The following HEG1 variants were observed in gnomAD, a reference collection of about 807,000 sequenced individuals.
HEG1 encodes protein HEG homolog 1.
A neutral mutation model predicts 125.6 loss-of-function variants in HEG1; 56 were observed. That is an observed-to-expected ratio of 0.45 (90% CI 0.36 to 0.56). The LOEUF is 0.56. Ranked by LOEUF, HEG1 falls within the 20% of genes least tolerant of loss-of-function variation. The pLI, the probability that HEG1 is intolerant of heterozygous loss-of-function variation, is 0.00. For synonymous variants in HEG1, 644 were observed against 668.5 expected, an observed-to-expected ratio of 0.96 and a Z score of 0.57; for missense variants, 1,523 against 1,670.0, an observed-to-expected ratio of 0.91 and a Z score of 1.53.
chr3:124,974,690 A>T (rs9790297), intron 15 of HEG1, among the ~76,000 whole-genome samples: 53,585 of 152,074 alleles, frequency 0.35, 10,336 homozygotes, highest in African/African-American at 0.5. Context: ...AGGATCAGAA[A>T]TTTTAAATTA....
At chr3:125,046,240 C>T (rs1579439911) in intron 1 of HEG1, among the ~76,000 whole-genome samples, 6 of 152,206 alleles carry the variant, frequency 3.9e-5, no homozygotes, top group Admixed American at 3.9e-4. Context: ...CCTAACAAAC[C>T]ACAAGAATTC....
chr3:125,007,847 C>G (rs772571374), intron 8 of HEG1, among the ~76,000 whole-genome samples: 1 of 151,856 alleles, frequency 6.6e-6, no homozygotes, highest in Non-Finnish European at 1.5e-5. Flanking sequence ...AAACTCCTGG[C>G]AATATCTTAG....
At chr3:125,046,430 CACACATAT>C (rs759289429) in intron 1 of HEG1, among the ~76,000 whole-genome samples, 2 of 92,512 alleles carry the variant, frequency 2.2e-5, no homozygotes, top group Non-Finnish European at 3.9e-5. Context: ...CACACACACA[CACACATAT>C]ATATTTTTTT....
In HEG1 at chr3:124,977,897, C is replaced by G. The variant is rs970430300; in HGVS notation, c.3783G>C (p.Leu1261=). 3 of 1,580,228 alleles carry G rather than the reference C, an allele frequency of 1.9e-6. No homozygotes were observed. The African/African-American group carries it at 4.0e-5, about 21-fold the overall frequency. The change falls in exon 15 of 17, where the codon CTG becomes CTC. Residue 1261 remains leucine (L), a synonymous_variant. Coordinates refer to ENST00000311127, the MANE Select transcript of HEG1 (RefSeq NM_020733.2). ...CAATCAGTGCGATGCCTAGGATGAG[C>G]AGGAGCCCACCTCCCGCGGCTGCGA... is the stretch of plus-strand genomic sequence containing the variant. ...VVIAAAGGGL[L]LILGIALIVT...
At chr3:125,053,018 C>T (rs182772840) in intron 1 of HEG1, among the ~76,000 whole-genome samples, 12 of 152,318 alleles carry the variant, frequency 7.9e-5, no homozygotes, top group Non-Finnish European at 1.2e-4. Flanking sequence ...CCCCATGGCA[C>T]GAAAGGCCTG....
At chr3:124,978,360 G>A (rs1015434577) in intron 14 of HEG1, among the ~76,000 whole-genome samples, 7 of 152,064 alleles carry the variant, frequency 4.6e-5, no homozygotes, top group African/African-American at 1.7e-4. Context: ...TGTTAGCCAG[G>A]ATGGTCTCAA....
intron 13 of HEG1, 39 bp from the exon 14 acceptor site, chr3:124,990,863 C>A (rs757841383): frequency 1.9e-6 from 3 of 1,556,818 alleles, no homozygotes; most frequent in Non-Finnish European, 2.6e-6. Flanking sequence ...GAATTAGTTT[C>A]CAATCTCAAA....
intron 12 of HEG1, among the ~76,000 whole-genome samples, chr3:124,995,088 T>TAGGTGTTTGAGACC (rs1367350415): frequency 4.5e-4 from 69 of 152,184 alleles, no homozygotes; most frequent in African/African-American, 1.6e-3. Context: ...TGCTTGAGCC[T>TAGGTGTTTGAGACC]AGGTGTTTGA....
intron 1 of HEG1, among the ~76,000 whole-genome samples, chr3:125,037,024 T>C (rs1280431319): frequency 6.6e-6 from 1 of 152,224 alleles, no homozygotes; most frequent in Non-Finnish European, 1.5e-5. Flanking sequence ...GAATTGTTTA[T>C]AATAATGAAA....
intron 5 of HEG1, chr3:125,015,066 A>T (rs1417647367): frequency 4.3e-6 from 5 of 1,162,462 alleles, no homozygotes; most frequent in East Asian, 5.9e-5. Context: ...GAGCGACAGG[A>T]TCGTGCCCCA....
intron 1 of HEG1, among the ~76,000 whole-genome samples, chr3:125,053,472 G>C (rs1410933936): frequency 2.0e-5 from 3 of 152,190 alleles, no homozygotes; most frequent in Admixed American, 6.5e-5. Context: ...TTCAACAGGT[G>C]TTCATTTCAT....
At chr3:124,989,778 C>G (rs909022582) in intron 14 of HEG1, among the ~76,000 whole-genome samples, 1 of 152,186 alleles carries the variant, frequency 6.6e-6, no homozygotes, top group South Asian at 2.1e-4. Flanking sequence ...TCTCCTCTGT[C>G]CAGTCTGTTC....
chr3:125,051,730 G>T (rs1268930695), intron 1 of HEG1, among the ~76,000 whole-genome samples: 1 of 152,210 alleles, frequency 6.6e-6, no homozygotes. Flanking sequence ...CATACAAAAA[G>T]GACGCTGGAG....
At chr3:124,982,396 A>G (rs1936670990) in intron 14 of HEG1, among the ~76,000 whole-genome samples, 1 of 152,222 alleles carries the variant, frequency 6.6e-6, no homozygotes, top group Non-Finnish European at 1.5e-5. Flanking sequence ...CTAGCTTTAG[A>G]GGTGCTCTGA....
At chr3:124,998,811 AG>A (rs1334578243) in intron 11 of HEG1, among the ~76,000 whole-genome samples, 1 of 152,208 alleles carries the variant, frequency 6.6e-6, no homozygotes, top group Non-Finnish European at 1.5e-5. Context: ...GATAGTGGAT[AG>A]TACCTTATTT....
At chr3:125,050,840 A>G (rs114343996) in intron 1 of HEG1, among the ~76,000 whole-genome samples, 4,679 of 152,322 alleles carry the variant, frequency 0.031, 110 homozygotes, top group South Asian at 0.095. Flanking sequence ...CACTCCAACA[A>G]AAGAAGAGTG....
rs1182772677 is a variant in HEG1, at chr3:124,967,254, A to C, written c.*3398T>G. On this transcript the variant is annotated 3_prime_UTR_variant, in exon 17 of 17. Coordinates refer to ENST00000311127, the MANE Select transcript of HEG1 (RefSeq NM_020733.2). ...GAGCCATGGCCTTACCACGGGAACAAGGCAAGCAGCTCTCAGATGGATGTG... is the reference window on the plus strand; with the variant it reads ...GAGCCATGGCCTTACCACGGGAACACGGCAAGCAGCTCTCAGATGGATGTG... 1.3e-5 allele frequency: 2 copies of C among 152,214 alleles called. No homozygotes were observed. Among genetic ancestry groups the C allele is most frequent in the Non-Finnish European group, 2.9e-5 (2 of 68,042 alleles). 9.4% of individuals were successfully genotyped at this position (152,214 alleles called of 1,614,324 possible).
At chr3:124,996,295 G>A (rs191726520) in intron 12 of HEG1, among the ~76,000 whole-genome samples, 7 of 152,108 alleles carry the variant, frequency 4.6e-5, no homozygotes, top group Admixed American at 4.6e-4. Context: ...TGTTGGTCAG[G>A]CTGGTCTCCA....
At chr3:125,044,914 T>C (rs942289943) in intron 1 of HEG1, among the ~76,000 whole-genome samples, 1 of 151,958 alleles carries the variant, frequency 6.6e-6, no homozygotes, top group Non-Finnish European at 1.5e-5. Context: ...TAACTCACTG[T>C]CCAAATGGAA....
Sources: gnomAD v4.1 joint callset for allele counts (sites outside exome capture counted in the v4.1 genomes callset) on GRCh38, gnomAD v4.1.1 for gene constraint, MANE v1.5 for transcripts, NCBI Gene and HGNC (gene_info 2026-07-23, HGNC 2026-07-21) for gene names.